Variants in CBFA2T2 observed in about 807,000 individuals in gnomAD.
The protein encoded by CBFA2T2 is protein CBFA2T2.
Under a neutral mutation model 62.2 loss-of-function variants are expected in CBFA2T2, and 11 were observed. That is an observed-to-expected ratio of 0.18 (90% CI 0.11 to 0.29). The LOEUF (loss-of-function observed/expected upper bound fraction) is 0.29, where lower values mean the gene tolerates loss of function less well. CBFA2T2 is among the 10% of genes least tolerant of loss of function. The pLI is 1.00. For missense variants in CBFA2T2, 592 were observed against 774.1 expected (o/e 0.76, Z 2.79); for synonymous variants, 295 against 287.5 (o/e 1.03, Z -0.27).
At chr20:33,586,493 T>C (rs2014377028) in intron 1 of CBFA2T2, among the ~76,000 whole-genome samples, 1 of 152,206 alleles carries the variant, frequency 6.6e-6, no homozygotes, top group African/African-American at 2.4e-5. Flanking sequence ...TTGATATTAT[T>C]GCCAAAACAA....
In CBFA2T2 at chr20:33,508,509, T is replaced by C. The variant is rs190796611; in HGVS notation, c.34+18208T>C. 2.0e-3 allele frequency among the ~76,000 whole-genome samples: 312 copies of C among 152,236 alleles called. 13 individuals carry two copies. The South Asian group carries it at 0.057, about 28-fold the overall frequency. ...AAACTTGTGTCATGGGCGTTTGTTG[T>C]ACAGATTACTTCCTCACCCAGGTAT... On this transcript the variant is annotated intron_variant, in intron 1 of 10. Coordinates refer to ENST00000342704, the MANE Select transcript of CBFA2T2 (RefSeq NM_001032999.3).
intron 1 of CBFA2T2, among the ~76,000 whole-genome samples, chr20:33,558,801 G>A (rs2012993231): frequency 6.6e-6 from 1 of 150,820 alleles, no homozygotes; most frequent in Non-Finnish European, 1.5e-5. Flanking sequence ...TTTCAATAGA[G>A]ATCAATTTTT....
intron 1 of CBFA2T2, chr20:33,574,359 C>T (rs2013720776): frequency 8.6e-7 from 1 of 1,161,452 alleles, no homozygotes; most frequent in African/African-American, 1.6e-5. Context: ...GGCATGGTGG[C>T]TCACGCCTGT....
At chr20:33,545,000 T>TAGAATAGAATAGAATAGAATAGAAC (rs2012506320) in intron 1 of CBFA2T2, among the ~76,000 whole-genome samples, 1 of 125,688 alleles carries the variant, frequency 8.0e-6, no homozygotes, top group South Asian at 2.7e-4. Context: ...TAGAATAGAA[T>TAGAATAGAATAGAATAGAATAGAAC]AGAATAGAAT....
rs560478611 is a variant in CBFA2T2 at position 33,649,230 on chromosome 20, C to T, written c.*4584C>T. 1.4e-3 allele frequency: 220 copies of T among 152,328 alleles called. No individual in the cohort carries two copies. The highest frequency in any genetic ancestry group is 2.2e-3 in the Admixed American group (33 of 15,280). 9.4% of individuals were successfully genotyped at this position (152,328 alleles called of 1,614,324 possible). ...TGTCTGAACCAAACGGAAGAATAGC[C>T]AGCGGAGCATGGACTGTTCCAGCAC... On this transcript the variant is annotated 3_prime_UTR_variant, in exon 11 of 11. Transcript: ENST00000342704.
intron 1 of CBFA2T2, among the ~76,000 whole-genome samples, chr20:33,532,923 G>A (rs540406885): frequency 6.6e-6 from 1 of 152,250 alleles, no homozygotes; most frequent in Middle Eastern, 3.4e-3. Flanking sequence ...TTTTGGAACC[G>A]TGTTTCTCAC....
chr20:33,514,821 C>T (rs924331931), intron 1 of CBFA2T2, among the ~76,000 whole-genome samples: 4 of 151,792 alleles, frequency 2.6e-5, no homozygotes, highest in Non-Finnish European at 5.9e-5. Flanking sequence ...CTCGGCCTCC[C>T]GAGTAGCTGG....
At chr20:33,520,341 TC>T (rs1850529827) in intron 1 of CBFA2T2, among the ~76,000 whole-genome samples, 1 of 152,220 alleles carries the variant, frequency 6.6e-6, no homozygotes, top group African/African-American at 2.4e-5. Flanking sequence ...AATATATCTT[TC>T]ATTTGATTGC....
chr20:33,522,949 G>C (rs1000221722), intron 1 of CBFA2T2, among the ~76,000 whole-genome samples: 1 of 152,184 alleles, frequency 6.6e-6, no homozygotes, highest in African/African-American at 2.4e-5. Context: ...CAATGGAAAG[G>C]TTCAAAAACT....
intron 10 of CBFA2T2, among the ~76,000 whole-genome samples, chr20:33,642,518 A>C (rs866104317): frequency 6.6e-6 from 1 of 152,122 alleles, no homozygotes; most frequent in African/African-American, 2.4e-5. Flanking sequence ...GGGCAGGAGG[A>C]TCGCTTGAGC....
Position 33,624,902 on chromosome 20 carries a change from T to C in CBFA2T2, c.831T>C (p.Pro277=). ...PLMNPGGQFH[P]TPPPLQHYTL... is the part of the protein sequence containing the mutation. ...TGAATCCCGGGGGCCAATTCCATCCTACCCCTCCACCTCTTCAGCATTACA... is the reference window on the plus strand; with the variant it reads ...TGAATCCCGGGGGCCAATTCCATCCCACCCCTCCACCTCTTCAGCATTACA... The change falls in exon 6 of 11, where the codon CCT becomes CCC. Residue 277 remains proline, a synonymous_variant. Transcript: ENST00000342704. 1 of 1,614,164 alleles carries C rather than the reference T, an allele frequency of 6.2e-7. No individual in the cohort carries two copies. The highest frequency in any genetic ancestry group is 8.5e-7 in the Non-Finnish European group (1 of 1,180,018).
intron 1 of CBFA2T2, among the ~76,000 whole-genome samples, chr20:33,554,469 G>A (rs747177737): frequency 1.6e-4 from 24 of 151,510 alleles, no homozygotes; most frequent in Non-Finnish European, 2.6e-4. Context: ...GGCTGTTCTC[G>A]AACTCCTGAC....
intron 1 of CBFA2T2, among the ~76,000 whole-genome samples, chr20:33,526,862 A>G (rs2011902950): frequency 6.6e-6 from 1 of 152,176 alleles, no homozygotes; most frequent in African/African-American, 2.4e-5. Context: ...AAGTTCTCCT[A>G]CTTCTATCTC....
chr20:33,638,323 A>C lies in CBFA2T2; in HGVS notation c.1297+1615A>C, dbSNP rs113619938. ...AAACTAGTGAGTTTGATTATTTGGG[A>C]GATACCTTTGGTTAACTATGGTTAA... On this transcript the variant is annotated intron_variant, in intron 9 of 10. Transcript: ENST00000342704. 3.9e-4 allele frequency among the ~76,000 whole-genome samples: 59 copies of C among 152,240 alleles called. 1 individual carries two copies. Among genetic ancestry groups the C allele is most frequent in the African/African-American group, 1.4e-3 (58 of 41,550 alleles).
chr20:33,561,787 C>T (rs2013100116), intron 1 of CBFA2T2, among the ~76,000 whole-genome samples: 1 of 152,090 alleles, frequency 6.6e-6, no homozygotes, highest in South Asian at 2.1e-4. Context: ...CCCCATCTTC[C>T]ATTTATAATC....
chr20:33,520,116 G>A (rs1011528685), intron 1 of CBFA2T2, among the ~76,000 whole-genome samples: 8 of 152,162 alleles, frequency 5.3e-5, no homozygotes, highest in African/African-American at 1.9e-4. Flanking sequence ...TTGCACTGGA[G>A]CCTGGGCAAC....
At chr20:33,492,575 C>T (rs1418296222) in intron 1 of CBFA2T2, among the ~76,000 whole-genome samples, 3 of 151,906 alleles carry the variant, frequency 2.0e-5, no homozygotes, top group Non-Finnish European at 4.4e-5. Context: ...AGTGCAGTGG[C>T]GTCATCATGG....
chr20:33,602,602 G>T (rs532377218), intron 1 of CBFA2T2, among the ~76,000 whole-genome samples: 3 of 151,856 alleles, frequency 2.0e-5, no homozygotes, highest in African/African-American at 7.3e-5. Context: ...CAAGACCTCC[G>T]GTGGATGCCT....
intron 1 of CBFA2T2, among the ~76,000 whole-genome samples, chr20:33,543,983 C>T (rs906096281): frequency 1.3e-5 from 2 of 152,124 alleles, no homozygotes; most frequent in Admixed American, 1.3e-4. Context: ...CTTGTCCATA[C>T]CACTAGCATC....
Sources: gnomAD v4.1 joint callset for allele counts (sites outside exome capture counted in the v4.1 genomes callset) on GRCh38, gnomAD v4.1.1 for gene constraint, MANE v1.5 for transcripts, NCBI Gene and HGNC (gene_info 2026-07-23, HGNC 2026-07-21) for gene names.